PCDHGA11: variants seen among roughly 807,000 people sequenced by gnomAD.
PCDHGA11 encodes the protein protocadherin gamma-A11.
In PCDHGA11, 39 loss-of-function variants were observed where a neutral mutation model predicts 60.4. The ratio of observed to expected loss-of-function variants is 0.65; its 90% confidence interval spans 0.50 to 0.84. The LOEUF is 0.84. PCDHGA11 is among the 40% of genes least tolerant of loss of function. The pLI, the probability that PCDHGA11 is intolerant of heterozygous loss-of-function variation, is 0.00. For missense variants in PCDHGA11, 1,165 were observed against 1,197.7 expected (o/e 0.97, Z 0.40); for synonymous variants, 533 against 510.3 (o/e 1.04, Z -0.60).
At chr5:141,426,451 C>A in intron 1 of PCDHGA11, 1 of 308,946 alleles carries the variant, frequency 3.2e-6, no homozygotes, top group South Asian at 3.0e-5. Flanking sequence ...GGACATGCGG[C>A]TGCATGTTCA....
chr5:141,429,861 A>G (rs1483953460), intron 1 of PCDHGA11, among the ~76,000 whole-genome samples: 1 of 152,226 alleles, frequency 6.6e-6, no homozygotes, highest in Non-Finnish European at 1.5e-5. Flanking sequence ...TCTTTGGACT[A>G]CCAATTTTCT....
At chr5:141,428,792 T>A (rs1590880161) in intron 1 of PCDHGA11, 1 of 152,978 alleles carries the variant, frequency 6.5e-6, no homozygotes, top group Middle Eastern at 3.4e-3. Flanking sequence ...TTCCTTTCTG[T>A]GTGGGCCAGT....
rs758255761 is a variant in PCDHGA11 at position 141,422,205 on chromosome 5, A to G, written c.978A>G (p.Gly326=). ...YEMEIQGQDG[G]GLFTTTTMLI... is the part of the protein sequence containing the mutation. ...TGGAAATTCAAGGCCAAGATGGTGG[A>G]GGTCTCTTTACCACCACGACGATGT... Residue 326 remains glycine, a synonymous_variant, in exon 1 of 4, where the codon GGA becomes GGG. Transcript: ENST00000398587. 2 of 1,562,218 alleles carry G rather than the reference A, an allele frequency of 1.3e-6. No individual in the cohort carries two copies. The highest frequency in any genetic ancestry group is 1.7e-6 in the Non-Finnish European group (2 of 1,159,164).
At chr5:141,426,919 C>A (rs1220443930) in intron 1 of PCDHGA11, 3 of 456,620 alleles carry the variant, frequency 6.6e-6, no homozygotes, top group African/African-American at 6.0e-5. Context: ...GTCCTGGAAG[C>A]AATGGACATG....
intron 1 of PCDHGA11, among the ~76,000 whole-genome samples, chr5:141,434,479 A>C (rs2097696849): frequency 6.6e-6 from 1 of 152,202 alleles, no homozygotes; most frequent in African/African-American, 2.4e-5. Flanking sequence ...AGGGCAAGGA[A>C]CACCTGGCCC....
chr5:141,494,431 T>C (rs1403792155), intron 1 of PCDHGA11, among the ~76,000 whole-genome samples: 1 of 152,158 alleles, frequency 6.6e-6, no homozygotes, highest in Non-Finnish European at 1.5e-5. Context: ...TTGAAAAGCC[T>C]CCTTTGCCAC....
Position 141,434,824 on chromosome 5 carries a change from A to C in PCDHGA11, c.2433+11164A>C, listed in dbSNP as rs143305842. ...CTTGGAGAAATATATCCCTTAGTACACTTGGCATTTATAAAGCAGACATCA... is the reference window on the plus strand; with the variant it reads ...CTTGGAGAAATATATCCCTTAGTACCCTTGGCATTTATAAAGCAGACATCA... On this transcript the variant is annotated intron_variant, in intron 1 of 3. Coordinates refer to ENST00000398587, the MANE Select transcript of PCDHGA11 (RefSeq NM_018914.3). 7.9e-4 allele frequency among the ~76,000 whole-genome samples: 120 copies of C among 152,004 alleles called. 2 individuals are homozygous for C. The highest frequency in any genetic ancestry group is 2.8e-3 in the African/African-American group (115 of 41,454).
In PCDHGA11 at chr5:141,477,967, C is replaced by T. The variant is rs756216038; in HGVS notation, c.2434-16840C>T. Reference sequence around the variant, plus strand: ...GTCTCTTGGGATCCCCTAACCAGAGCCTTTTTGCCATAGGGCTGCACACTG... The same window carrying T: ...GTCTCTTGGGATCCCCTAACCAGAGTCTTTTTGCCATAGGGCTGCACACTG... On this transcript the variant is annotated intron_variant, in intron 1 of 3. Coordinates refer to ENST00000398587, the MANE Select transcript of PCDHGA11 (RefSeq NM_018914.3). This position sits in a 1 kb window ranked among gnomAD's most constrained non-coding sequence, Gnocchi z 4.9. The T allele has an allele frequency of 8.7e-6, 14 of 1,614,032 alleles. No individual in the cohort carries two copies. In the South Asian group the frequency reaches 1.2e-4, roughly 14 times the overall value.
chr5:141,469,226 A>G (rs998643671), intron 1 of PCDHGA11, among the ~76,000 whole-genome samples: 1 of 152,066 alleles, frequency 6.6e-6, no homozygotes, highest in Non-Finnish European at 1.5e-5. Context: ...TCAGTGAGCC[A>G]TGATCACCCC....
intron 1 of PCDHGA11, chr5:141,426,581 C>A: frequency 2.8e-6 from 1 of 358,468 alleles, no homozygotes. Context: ...TCTTCAAAAT[C>A]CTCTGTGTCA....
rs1036223789 is a variant in PCDHGA11, at chr5:141,511,298, G to C, written c.*125G>C. 49 of 1,502,412 alleles carry C rather than the reference G, an allele frequency of 3.3e-5. No homozygotes were observed. The African/African-American group carries it at 6.7e-4, about 20-fold the overall frequency. 93.1% of individuals were successfully genotyped at this position (1,502,412 alleles called of 1,614,324 possible). A position where few individuals can be genotyped will look rare whatever the true frequency, so the allele number is the denominator to read the frequency against. The stretch of plus-strand genomic sequence containing the variant: ...GAATACTGGTAGGGGCCAAGGCCAT[G>C]CTCCCCTTGGGAAACAGAAACAAGT... On this transcript the variant is annotated 3_prime_UTR_variant, in exon 4 of 4. Coordinates refer to ENST00000398587, the MANE Select transcript of PCDHGA11 (RefSeq NM_018914.3).
In PCDHGA11 at chr5:141,423,025, G is replaced by A; in HGVS notation, c.1798G>A (p.Gly600Ser). Residue 600 changes from glycine to serine, a missense_variant, in exon 1 of 4, where the codon GGC becomes AGC. Transcript: ENST00000398587. ...GGTGGTTGCGGTGGACAAAGATTCAGGCCAGAACGCCTGGCTGTCCTATCG... is the reference window on the plus strand; with the variant it reads ...GGTGGTTGCGGTGGACAAAGATTCAAGCCAGAACGCCTGGCTGTCCTATCG... Reference protein sequence around the residue: ...TKVVAVDKDSGQNAWLSYRLL... With the variant: ...TKVVAVDKDSSQNAWLSYRLL... The A allele has an allele frequency of 6.2e-7, 1 of 1,614,222 alleles. No individual in the cohort carries two copies. Among genetic ancestry groups the A allele is most frequent in the Non-Finnish European group, 8.5e-7 (1 of 1,180,034 alleles).
At chr5:141,466,054 G>A (rs2099115921) in intron 1 of PCDHGA11, among the ~76,000 whole-genome samples, 1 of 152,080 alleles carries the variant, frequency 6.6e-6, no homozygotes, top group Non-Finnish European at 1.5e-5. Context: ...CCCAGGAGAC[G>A]GAGCTTGCAG....
Position 141,512,931 on chromosome 5 carries a change from C to T in PCDHGA11, c.*1758C>T, listed in dbSNP as rs2099884512. On this transcript the variant is annotated 3_prime_UTR_variant, in exon 4 of 4. Transcript: ENST00000398587. ...GTTTTATACTCTAATATTTATATGG[C>T]TTTTTTTCTTCGACAAAAAAATAAT... The T allele has an allele frequency of 6.6e-6, 1 of 152,006 alleles. No homozygotes were observed. The highest frequency in any genetic ancestry group is 2.4e-5 in the African/African-American group (1 of 41,414). The allele number at this position is 152,006 out of a possible 1,614,324, so 9.4% of individuals were successfully genotyped here.
At chr5:141,461,281 C>T (rs1305044383) in intron 1 of PCDHGA11, among the ~76,000 whole-genome samples, 1 of 152,050 alleles carries the variant, frequency 6.6e-6, no homozygotes, top group Non-Finnish European at 1.5e-5. Flanking sequence ...CTCTTTTCCC[C>T]ACATCCACAC....
chr5:141,451,301 G>T (rs963686418), intron 1 of PCDHGA11, among the ~76,000 whole-genome samples: 3 of 152,196 alleles, frequency 2.0e-5, no homozygotes, highest in Non-Finnish European at 4.4e-5. Flanking sequence ...AGTCTTACAA[G>T]GCAGCAATTA....
intron 1 of PCDHGA11, among the ~76,000 whole-genome samples, chr5:141,488,394 A>C (rs2099674951): frequency 1.3e-5 from 2 of 152,232 alleles, no homozygotes. Flanking sequence ...TGGTGAAACC[A>C]TGAAACCTAG....
chr5:141,510,833 C>T (rs2099882936), intron 3 of PCDHGA11, 114 bp from the exon 4 acceptor site: 46 of 1,577,678 alleles, frequency 2.9e-5, no homozygotes, highest in South Asian at 2.5e-4. Context: ...CAGTGCTCAG[C>T]GTGGTCAAGG....
intron 1 of PCDHGA11, among the ~76,000 whole-genome samples, chr5:141,444,110 A>C (rs1284415694): frequency 6.7e-6 from 1 of 149,880 alleles, no homozygotes; most frequent in Non-Finnish European, 1.5e-5. Flanking sequence ...AACCAAGAAA[A>C]GTGAAGTATC....
Sources: gnomAD v4.1 joint callset for allele counts (sites outside exome capture counted in the v4.1 genomes callset) on GRCh38, gnomAD v4.1.1 for gene constraint, Gnocchi (gnomAD v3.1) non-coding constraint, MANE v1.5 for transcripts, NCBI Gene and HGNC (gene_info 2026-07-23, HGNC 2026-07-21) for gene names.